SLC29A2: variants seen among roughly 807,000 people sequenced by gnomAD.
SLC29A2 encodes the protein solute carrier family 29 member 2.
A neutral mutation model predicts 48.8 loss-of-function variants in SLC29A2; 37 were observed. That is an observed-to-expected ratio of 0.76 (90% CI 0.58 to 1.00). SLC29A2 has a LOEUF of 1.00. Among genes scored for constraint, SLC29A2 ranks in the 50% least tolerant of loss-of-function variants. SLC29A2 has a pLI of 0.00. For missense variants in SLC29A2, 533 were observed against 578.6 expected (o/e 0.92, Z 0.81); for synonymous variants, 233 against 261.7 (o/e 0.89, Z 1.06).
chr11:66,365,868 C>T, intron 10 of SLC29A2, 68 bp downstream of exon 10: 3 of 1,447,830 alleles, frequency 2.1e-6, no homozygotes, highest in Admixed American at 3.3e-5. Flanking sequence ...CACCTCCATG[C>T]TCTTTCAAGC....
chr11:66,365,923 C>T lies in SLC29A2; in HGVS notation c.1059+13G>A. On this transcript the variant is annotated intron_variant, in intron 10 of 11. Transcript: ENST00000357440. ...TCCTAAAACATCGGATCACCCAGCC[C>T]TGGTGTGCTTACCCACAGGAAGTAA... 6.2e-7 allele frequency: 1 copy of T among 1,612,384 alleles called. No homozygotes were observed. Among genetic ancestry groups the T allele is most frequent in the Non-Finnish European group, 8.5e-7 (1 of 1,178,418 alleles).
chr11:66,371,246 G>C lies in SLC29A2; in HGVS notation c.109C>G (p.Pro37Ala), dbSNP rs2135017529. Residue 37 changes from proline to alanine, a missense_variant and splice_region_variant, in exon 2 of 12, where the codon CCG becomes GCG. Coordinates refer to ENST00000357440, the MANE Select transcript of SLC29A2 (RefSeq NM_001532.3). ...LPWNFFITAIPYFQARLAGAG... is the reference protein window; with the variant it reads ...LPWNFFITAIAYFQARLAGAG... ...TGCCACGCCGCCAGGAGTCTCACCG[G>C]GATGGCGGTGATGAAGAAGTTCCAG... The C allele has an allele frequency of 6.2e-7, 1 of 1,613,238 alleles. No homozygotes were observed. Among genetic ancestry groups the C allele is most frequent in the South Asian group, 1.1e-5 (1 of 91,066 alleles).
intron 11 of SLC29A2, 74 bp downstream of exon 11, chr11:66,364,151 G>T: frequency 8.0e-7 from 1 of 1,249,652 alleles, no homozygotes; most frequent in Non-Finnish European, 1.1e-6. Flanking sequence ...TCCCTCCATT[G>T]CAGGCGGTCC....
rs1165928044 is a variant in SLC29A2 at position 66,366,530 on chromosome 11, T to C, written c.768A>G (p.Val256=). 1 of 1,613,986 alleles carries C rather than the reference T, an allele frequency of 6.2e-7. No individual in the cohort carries two copies. The highest frequency in any genetic ancestry group is 1.7e-5 in the Admixed American group (1 of 60,018). ...CCAGGTCAAGATCCAGGGTCAGAGC[T>C]ACTTTCTGGGGACTACTGGGAATCC... ...ENGIPSSPQK[V]ALTLDLDLEK... is the part of the protein sequence containing the mutation. The change falls in exon 8 of 12, where the codon GTA becomes GTG. Residue 256 remains valine, a synonymous_variant. Coordinates refer to ENST00000357440, the MANE Select transcript of SLC29A2 (RefSeq NM_001532.3).
chr11:66,371,734 A>T lies in SLC29A2; in HGVS notation c.-143T>A. On this transcript the variant is annotated 5_prime_UTR_variant, in exon 1 of 12. Coordinates refer to ENST00000357440, the MANE Select transcript of SLC29A2 (RefSeq NM_001532.3). ...GCAGGGCGGCTGGAGTCGCACAGGT[A>T]GCCTCGGGCGGATTTCGGCGTGTCT... The T allele has an allele frequency of 1.3e-6, 1 of 771,608 alleles. No individual in the cohort carries two copies. Among genetic ancestry groups the T allele is most frequent in the Non-Finnish European group, 2.0e-6 (1 of 492,062 alleles). 47.8% of individuals were successfully genotyped at this position (771,608 alleles called of 1,614,324 possible).
At position 66,368,809 on chromosome 11, in the gene SLC29A2, CG is replaced by C. The variant is rs889894044; in HGVS notation, c.416-139del. Reference sequence around the variant, plus strand: ...AGCTTCCCTAGGGACTCTGAGCACTCGGGGGCAACACCCGCTATTCAGTCCT... The same window carrying C: ...AGCTTCCCTAGGGACTCTGAGCACTCGGGGCAACACCCGCTATTCAGTCCT... On this transcript the variant is annotated intron_variant, in intron 4 of 11. Coordinates refer to ENST00000357440, the MANE Select transcript of SLC29A2 (RefSeq NM_001532.3). 33 of 1,223,838 alleles carry C rather than the reference CG, an allele frequency of 2.7e-5. No homozygotes were observed. The African/African-American group carries it at 4.3e-4, about 16-fold the overall frequency. 75.8% of individuals were successfully genotyped at this position (1,223,838 alleles called of 1,614,324 possible).
At position 66,363,117 on chromosome 11, in the gene SLC29A2, T is replaced by G; in HGVS notation, c.*319A>C. The G allele has an allele frequency of 5.3e-6, 2 of 379,054 alleles. No individual in the cohort carries two copies. Among genetic ancestry groups the G allele is most frequent in the Non-Finnish European group, 5.1e-6 (1 of 196,106 alleles). The allele number at this position is 379,054 out of a possible 1,614,324, so 23.5% of individuals were successfully genotyped here. On this transcript the variant is annotated 3_prime_UTR_variant, in exon 12 of 12. Coordinates refer to ENST00000357440, the MANE Select transcript of SLC29A2 (RefSeq NM_001532.3). ...ACCCTCTGGTCACCTCTGCTCCTGA[T>G]GATGATGAACAAATGCAGACCTGGT...
rs1220014440 is a variant in SLC29A2 at position 66,363,256 on chromosome 11, TTCTTCCC to T, written c.*173_*179del. ...GAGGGTTAGAATGACCGGTGGTGAT[TTCTTCCC>T]CACAGCACTCCAAGTGGATGAAGAG... is the stretch of plus-strand genomic sequence containing the variant. On this transcript the variant is annotated 3_prime_UTR_variant, in exon 12 of 12. Transcript: ENST00000357440. 1.5e-6 allele frequency: 1 copy of T among 665,340 alleles called. No homozygotes were observed. The highest frequency in any genetic ancestry group is 2.8e-6 in the Non-Finnish European group (1 of 361,110). 41.2% of individuals were successfully genotyped at this position (665,340 alleles called of 1,614,324 possible).
intron 7 of SLC29A2, 125 bp downstream of exon 7, chr11:66,367,339 C>A: frequency 1.2e-6 from 1 of 824,392 alleles, no homozygotes; most frequent in Non-Finnish European, 2.1e-6. Flanking sequence ...CCTTCATGAT[C>A]TTCCTGTTTG....
rs1855901876 is a variant in SLC29A2 at position 66,369,413 on chromosome 11, C to A, written c.231G>T (p.Leu77=). 2 of 1,614,102 alleles carry A rather than the reference C, an allele frequency of 1.2e-6. No homozygotes were observed. The change falls in exon 3 of 12, where the codon CTG becomes CTT. Residue 77 remains leucine (L), a synonymous_variant. Transcript: ENST00000357440. ...FNNWVTLLSQ[L]PLLLFTLLNS... The stretch of plus-strand genomic sequence containing the variant: ...TGAGGAGGGTGAAGAGCAGCAGGGG[C>A]AGCTGGGACAGCAGCGTCACCCAAT...
At chr11:66,365,864 C>T (rs1342831975) in intron 10 of SLC29A2, 72 bp downstream of exon 10, 7 of 1,404,154 alleles carry the variant, frequency 5.0e-6, no homozygotes, top group East Asian at 4.6e-5. Flanking sequence ...AAATCACCTC[C>T]ATGCTCTTTC....
At chr11:66,366,597 T>C (rs765069235) in intron 7 of SLC29A2, 33 bp from the exon 8 acceptor site, 1 of 1,608,256 alleles carries the variant, frequency 6.2e-7, no homozygotes, top group Admixed American at 1.7e-5. Flanking sequence ...AGGGTCATGC[T>C]TGTGACCCAG....
At position 66,371,337 on chromosome 11, in the gene SLC29A2, G is replaced by A. The variant is rs754365343; in HGVS notation, c.30-12C>T. The A allele has an allele frequency of 2.5e-6, 4 of 1,613,030 alleles. No homozygotes were observed. The highest frequency in any genetic ancestry group is 3.3e-5 in the Admixed American group (2 of 60,016). On this transcript the variant is annotated splice_polypyrimidine_tract_variant and intron_variant, in intron 1 of 11. Coordinates refer to ENST00000357440, the MANE Select transcript of SLC29A2 (RefSeq NM_001532.3). The stretch of plus-strand genomic sequence containing the variant: ...CGACCAGGTGGTAGCTGTGGGGATC[G>A]GTGGGAAGGTCACCCCGAGGACGCA...
At position 66,369,064 on chromosome 11, in the gene SLC29A2, G is replaced by C. The variant is rs567393989; in HGVS notation, c.411C>G (p.Ile137Met). Reference protein sequence around the residue: ...FSITMASVCFINSFSAVLQGS... With the variant: ...FSITMASVCFMNSFSAVLQGS... The stretch of plus-strand genomic sequence containing the variant: ...AGAGGGGGTGGAGGTGCTCACAGTT[G>C]ATGAAGCAGACGGAGGCCATGGTGA... Residue 137 changes from isoleucine (I) to methionine (M), a missense_variant, in exon 4 of 12, where the codon ATC becomes ATG. By Grantham distance (10) the Ile-to-Met change is conservative. Transcript: ENST00000357440. 1.3e-6 allele frequency: 2 copies of C among 1,599,976 alleles called. No homozygotes were observed. Among genetic ancestry groups the C allele is most frequent in the Non-Finnish European group, 1.7e-6 (2 of 1,173,502 alleles).
At chr11:66,364,116 G>A in intron 11 of SLC29A2, 109 bp downstream of exon 11, 1 of 937,402 alleles carries the variant, frequency 1.1e-6, no homozygotes, top group Non-Finnish European at 1.7e-6. Flanking sequence ...GCTAGGGTTG[G>A]GCTGGCCAGA....
intron 5 of SLC29A2, 23 bp from the exon 6 acceptor site, chr11:66,367,892 G>A: frequency 6.2e-7 from 1 of 1,603,554 alleles, no homozygotes; most frequent in South Asian, 1.1e-5. Flanking sequence ...TTCAGCTGCA[G>A]AAGAGAGGCA....
At chr11:66,366,264 G>C (rs770007285) in intron 8 of SLC29A2, 33 bp from the exon 9 acceptor site, 2 of 1,605,580 alleles carry the variant, frequency 1.2e-6, no homozygotes, top group Non-Finnish European at 8.5e-7. Context: ...TGAGCAGGCA[G>C]GGCAGTCCCA....
intron 7 of SLC29A2, 108 bp from the exon 8 acceptor site, chr11:66,366,672 C>T (rs1250560586): frequency 1.0e-5 from 13 of 1,298,616 alleles, no homozygotes; most frequent in East Asian, 7.2e-5. Context: ...ATCCTCAGCT[C>T]AGCATGGTGG....
In SLC29A2 at chr11:66,363,327, C is replaced by A. The variant is rs905198957; in HGVS notation, c.*109G>T. ...CTGCTGGCAGCCTCAGGCCCAGGGG[C>A]CTCCACCCCGCAGAGGCCTGAGCCA... On this transcript the variant is annotated 3_prime_UTR_variant, in exon 12 of 12. Coordinates refer to ENST00000357440, the MANE Select transcript of SLC29A2 (RefSeq NM_001532.3). The A allele has an allele frequency of 1.3e-5, 11 of 845,482 alleles. No homozygotes were observed. Among genetic ancestry groups the A allele is most frequent in the East Asian group, 2.6e-5 (1 of 37,830 alleles). 52.4% of individuals were successfully genotyped at this position (845,482 alleles called of 1,614,324 possible).
Sources: allele counts gnomAD v4.1 joint callset, GRCh38; gene constraint gnomAD v4.1.1; transcripts MANE v1.5; gene names NCBI Gene and HGNC (gene_info 2026-07-23, HGNC 2026-07-21).